Variants in CLNK observed in about 807,000 individuals in gnomAD.
CLNK encodes the protein cytokine dependent hematopoietic cell linker, also known as cytokine-dependent hematopoietic cell linker.
A neutral mutation model predicts 68.6 loss-of-function variants in CLNK; 74 were observed. That is an observed-to-expected ratio of 1.08 (90% CI 0.89 to 1.31). The LOEUF (loss-of-function observed/expected upper bound fraction) is 1.31. Ranked by LOEUF, CLNK falls within the 50% of genes most tolerant of loss-of-function variation. The pLI is 0.00. For synonymous variants in CLNK, 198 were observed against 172.2 expected (o/e 1.15, Z -1.17); for missense variants, 553 against 515.3 (o/e 1.07, Z -0.71).
At chr4:10,498,266 C>T (rs1010336287) in intron 18 of CLNK, among the ~76,000 whole-genome samples, 39 of 152,002 alleles carry the variant, frequency 2.6e-4, no homozygotes, top group African/African-American at 8.7e-4. Context: ...CTGAGGCGGG[C>T]GAATCACGAG....
At chr4:10,543,379 CT>C (rs1458841899) in intron 8 of CLNK, among the ~76,000 whole-genome samples, 9 of 152,148 alleles carry the variant, frequency 5.9e-5, no homozygotes, top group Non-Finnish European at 1.2e-4. Context: ...TTATAGGAGA[CT>C]TAAACCTCCA....
upstream of CLNK, among the ~76,000 whole-genome samples, chr4:10,685,281 G>A (rs1308571993): frequency 6.6e-6 from 1 of 152,090 alleles, no homozygotes; most frequent in Admixed American, 6.5e-5. Flanking sequence ...CAAGTAGTTT[G>A]AGTGATAATA....
intron 8 of CLNK, among the ~76,000 whole-genome samples, chr4:10,543,303 G>A (rs113147353): frequency 1.3e-5 from 2 of 152,140 alleles, no homozygotes; most frequent in Non-Finnish European, 2.9e-5. Flanking sequence ...CTAAAAATGG[G>A]CGTGGTGTAA....
At chr4:10,606,377 C>T (rs891265671) in intron 2 of CLNK, among the ~76,000 whole-genome samples, 16 of 152,050 alleles carry the variant, frequency 1.1e-4, no homozygotes, top group African/African-American at 3.6e-4. Flanking sequence ...GATATCAATG[C>T]CTTCTTCCGG....
intron 1 of CLNK, among the ~76,000 whole-genome samples, chr4:10,674,446 G>A (rs1724792234): frequency 6.6e-6 from 1 of 152,228 alleles, no homozygotes; most frequent in African/African-American, 2.4e-5. Context: ...AAAAGGGCCA[G>A]AATATGCTCA....
intron 2 of CLNK, among the ~76,000 whole-genome samples, chr4:10,640,328 C>G (rs780163877): frequency 3.3e-5 from 5 of 152,208 alleles, no homozygotes. Context: ...GCACGCCCAA[C>G]TAACTTTTGT....
the CLNK span, among the ~76,000 whole-genome samples, chr4:10,732,145 T>G: frequency 6.6e-6 from 1 of 152,260 alleles, no homozygotes; most frequent in African/African-American, 2.4e-5. Flanking sequence ...GAGTTTTGCA[T>G]ATTTATTACC....
chr4:10,572,548 G>A (rs1050074617), intron 4 of CLNK, among the ~76,000 whole-genome samples: 5 of 152,112 alleles, frequency 3.3e-5, no homozygotes, highest in African/African-American at 4.8e-5. Context: ...GCCTGCATCA[G>A]GGAGCATTTG....
the CLNK span, among the ~76,000 whole-genome samples, chr4:10,714,164 G>C: frequency 5.3e-5 from 8 of 152,288 alleles, no homozygotes; most frequent in Non-Finnish European, 7.4e-5. Context: ...ACAAACTATA[G>C]ACCTTTCCAG....
At chr4:10,657,660 A>G (rs1313936029) in intron 2 of CLNK, among the ~76,000 whole-genome samples, 3 of 152,216 alleles carry the variant, frequency 2.0e-5, no homozygotes, top group Non-Finnish European at 4.4e-5. Context: ...ACAGACAACA[A>G]TGGGAACAAA....
chr4:10,678,194 T>G (rs1724949269), intron 1 of CLNK, among the ~76,000 whole-genome samples: 11 of 152,246 alleles, frequency 7.2e-5, no homozygotes, highest in Admixed American at 3.9e-4. Flanking sequence ...CCAGGTATGC[T>G]GAATTATACA....
chr4:10,568,303 G>T (rs1021461908), intron 5 of CLNK, among the ~76,000 whole-genome samples: 2 of 152,128 alleles, frequency 1.3e-5, no homozygotes, highest in Admixed American at 1.3e-4. Context: ...AATGTTGCAT[G>T]ATTCTGTTTA....
chr4:10,570,684 GTCAA>G (rs1457183783), intron 5 of CLNK, among the ~76,000 whole-genome samples: 1 of 152,106 alleles, frequency 6.6e-6, no homozygotes, highest in African/African-American at 2.4e-5. Context: ...GAATCAATCA[GTCAA>G]TCAATCAATC....
the CLNK span, among the ~76,000 whole-genome samples, chr4:10,700,878 T>C: frequency 1.3e-5 from 2 of 152,202 alleles, no homozygotes; most frequent in Non-Finnish European, 2.9e-5. Flanking sequence ...CTTATACATG[T>C]ACAAAATGAT....
chr4:10,565,991 C>A lies in CLNK; in HGVS notation c.292+18G>T. 6.2e-7 allele frequency: 1 copy of A among 1,610,786 alleles called. No individual in the cohort carries two copies. Among genetic ancestry groups the A allele is most frequent in the Non-Finnish European group, 8.5e-7 (1 of 1,178,142 alleles). On this transcript the variant is annotated intron_variant, in intron 6 of 18. Transcript: ENST00000226951. ...TGTACATGCATCTTCTTATTTCAGGCAGACCCCCAAACGTTACCTGCATAT... is the reference window on the plus strand; with the variant it reads ...TGTACATGCATCTTCTTATTTCAGGAAGACCCCCAAACGTTACCTGCATAT...
At chr4:10,501,490 G>T in intron 17 of CLNK, 79 bp from the exon 18 acceptor site, 1 of 1,384,264 alleles carries the variant, frequency 7.2e-7, no homozygotes, top group South Asian at 1.4e-5. Context: ...AATGATGTCT[G>T]CATGCATGAG....
chr4:10,688,767 T>A (rs1725357809), upstream of CLNK, among the ~76,000 whole-genome samples: 1 of 152,180 alleles, frequency 6.6e-6, no homozygotes, highest in African/African-American at 2.4e-5. Flanking sequence ...AAAGAGAAGA[T>A]GTTTAAAATT....
In CLNK at chr4:10,651,980, CA is replaced by C. The variant is rs35087866; in HGVS notation, c.11+15878del. ...TATATGCACACAAACAACAGGAGAT[CA>C]AAAAAAAAGAAACAAAAAGGGGGGT... On this transcript the variant is annotated intron_variant, in intron 2 of 18. Transcript: ENST00000226951. Among the ~76,000 whole-genome samples, 19 of 147,470 alleles carry C rather than the reference CA, an allele frequency of 1.3e-4. No individual in the cohort carries two copies. In the South Asian group the frequency reaches 1.7e-3, roughly 13 times the overall value.
intron 5 of CLNK, among the ~76,000 whole-genome samples, chr4:10,571,462 G>C (rs1720347944): frequency 6.6e-6 from 1 of 151,082 alleles, no homozygotes; most frequent in Admixed American, 6.6e-5. Context: ...AGCCTCGTGA[G>C]TAGCTGGGAT....
Sources: gnomAD v4.1 joint callset for allele counts (sites outside exome capture counted in the v4.1 genomes callset) on GRCh38, gnomAD v4.1.1 for gene constraint, MANE v1.5 for transcripts, NCBI Gene and HGNC (gene_info 2026-07-23, HGNC 2026-07-21) for gene names.